SELENOI: variants seen among roughly 807,000 people sequenced by gnomAD.
The protein encoded by SELENOI is ethanolaminephosphotransferase 1.
SELENOI carries 24 observed loss-of-function variants against 50.7 expected under a neutral mutation model. The ratio of observed to expected loss-of-function variants is 0.47; its 90% CI spans 0.34 to 0.67. The LOEUF (loss-of-function observed/expected upper bound fraction) is 0.67. SELENOI is among the 30% of genes least tolerant of loss of function. The pLI is 0.01. For missense variants in SELENOI, 352 were observed against 461.4 expected, an observed-to-expected ratio of 0.76 and a Z score of 2.17; for synonymous variants, 155 against 170.2, an observed-to-expected ratio of 0.91 and a Z score of 0.70.
At chr2:26,388,324 T>A (rs1677891674) in intron 9 of SELENOI, among the ~76,000 whole-genome samples, 1 of 152,220 alleles carries the variant, frequency 6.6e-6, no homozygotes, top group African/African-American at 2.4e-5. Flanking sequence ...TTTCTTTAAA[T>A]GATAAAGGTA....
intron 7 of SELENOI, among the ~76,000 whole-genome samples, chr2:26,383,748 C>G (rs1282912399): frequency 6.6e-6 from 1 of 152,120 alleles, no homozygotes; most frequent in Non-Finnish European, 1.5e-5. Context: ...GTGGCACATG[C>G]CTGTAATGCT....
intron 1 of SELENOI, among the ~76,000 whole-genome samples, chr2:26,355,507 C>T (rs1017626454): frequency 1.3e-5 from 2 of 152,204 alleles, no homozygotes; most frequent in Admixed American, 1.3e-4. Context: ...AATGACGCCT[C>T]CTTTTGCCAT....
intron 6 of SELENOI, among the ~76,000 whole-genome samples, chr2:26,378,409 G>A (rs1251743642): frequency 6.6e-6 from 1 of 152,102 alleles, no homozygotes; most frequent in South Asian, 2.1e-4. Context: ...TATGTTCTGT[G>A]GGGTCTCCGA....
chr2:26,375,224 C>G lies in SELENOI; in HGVS notation c.682+76C>G, dbSNP rs1010611736. On this transcript the variant is annotated intron_variant, in intron 6 of 9. Coordinates refer to ENST00000260585, the MANE Select transcript of SELENOI (RefSeq NM_033505.4). ...AGAGCCGGTATTTGACTATAACAAG[C>G]AACAACACCCTTTGCCTCACAAAAC... 4 of 878,720 alleles carry G rather than the reference C, an allele frequency of 4.6e-6. No individual in the cohort carries two copies. In the African/African-American group the frequency reaches 5.2e-5, roughly 11 times the overall value. 54.4% of individuals were successfully genotyped at this position (878,720 alleles called of 1,614,324 possible).
At chr2:26,352,188 T>G (rs1265657620) in intron 1 of SELENOI, among the ~76,000 whole-genome samples, 1 of 152,120 alleles carries the variant, frequency 6.6e-6, no homozygotes, top group African/African-American at 2.4e-5. Flanking sequence ...AGGCACATTA[T>G]AGTGCTATAG....
chr2:26,384,977 C>CAAGTAATTTT lies in SELENOI; in HGVS notation c.750_751insAAGTAATTTT (p.Leu251LysfsTer2). ...TTTCCAGAAGCTATAAAAATAACAC[C>CAAGTAATTTT]TTGAAACTCAATTCAGTCTATGAAG... On this transcript the variant is annotated stop_gained and frameshift_variant, in exon 8 of 10. Transcript: ENST00000260585. LOFTEE classifies it high-confidence loss of function. 6.2e-7 allele frequency: 1 copy of CAAGTAATTTT among 1,603,836 alleles called. No homozygotes were observed. Among genetic ancestry groups the CAAGTAATTTT allele is most frequent in the Non-Finnish European group, 8.5e-7 (1 of 1,176,942 alleles).
Position 26,373,527 on chromosome 2 carries a change from T to C in SELENOI, c.471T>C (p.Tyr157=). 6.2e-7 allele frequency: 1 copy of C among 1,613,990 alleles called. No individual in the cohort carries two copies. Among genetic ancestry groups the C allele is most frequent in the Non-Finnish European group, 8.5e-7 (1 of 1,179,894 alleles). ...GSTGVSVFVL[Y]LLLWVVLFSF... is the part of the protein sequence containing the mutation. ...CTGGTGTCAGTGTTTTTGTTCTTTA[T>C]CTCCTGCTATGGGTAGTTTTGTTTT... The change falls in exon 5 of 10, where the codon TAT becomes TAC. Residue 157 remains tyrosine, a synonymous_variant. Transcript: ENST00000260585.
At position 26,364,287 on chromosome 2, in the gene SELENOI, T is replaced by C; in HGVS notation, c.58-15T>C. On this transcript the variant is annotated splice_polypyrimidine_tract_variant and intron_variant, in intron 1 of 9. Coordinates refer to ENST00000260585, the MANE Select transcript of SELENOI (RefSeq NM_033505.4). ...CAAGGATTTACTCTGAATATTTTCT[T>C]TCATTTCTTAACAGTACAGTGCTGT... 1 of 1,528,712 alleles carries C rather than the reference T, an allele frequency of 6.5e-7. No individual in the cohort carries two copies. The highest frequency in any genetic ancestry group is 8.9e-7 in the Non-Finnish European group (1 of 1,125,984). The allele number at this position is 1,528,712 out of a possible 1,614,324, so 94.7% of individuals were successfully genotyped here.
intron 8 of SELENOI, 82 bp from the exon 9 acceptor site, chr2:26,386,271 AT>A: frequency 7.5e-7 from 1 of 1,327,540 alleles, no homozygotes; most frequent in Non-Finnish European, 1.0e-6. Flanking sequence ...TGCTTTTCAA[AT>A]GTTGGAAAGA....
intron 1 of SELENOI, among the ~76,000 whole-genome samples, chr2:26,362,489 G>A (rs1205509050): frequency 2.0e-5 from 3 of 152,144 alleles, no homozygotes; most frequent in Admixed American, 6.5e-5. Context: ...GGCCAGGTCT[G>A]GTGGCTCACG....
chr2:26,371,887 G>A (rs996349162), intron 4 of SELENOI, among the ~76,000 whole-genome samples: 1 of 149,522 alleles, frequency 6.7e-6, no homozygotes, highest in African/African-American at 2.4e-5. Context: ...AGACCATGGG[G>A]AGAGGGAGAG....
intron 1 of SELENOI, among the ~76,000 whole-genome samples, chr2:26,359,719 G>C (rs557654678): frequency 5.9e-5 from 9 of 152,284 alleles, no homozygotes; most frequent in African/African-American, 1.7e-4. Flanking sequence ...GGCAGGGGAG[G>C]ATTTTGTTAG....
intron 1 of SELENOI, among the ~76,000 whole-genome samples, chr2:26,350,020 G>T (rs1305816924): frequency 6.6e-6 from 1 of 151,262 alleles, no homozygotes; most frequent in Non-Finnish European, 1.5e-5. Flanking sequence ...GAAGTGGGAG[G>T]ATCAGTTGAG....
intron 9 of SELENOI, among the ~76,000 whole-genome samples, chr2:26,387,908 T>A (rs74695023): frequency 1.3e-5 from 2 of 152,256 alleles, no homozygotes; most frequent in Non-Finnish European, 2.9e-5. Context: ...AAACAAAATA[T>A]CTTCTGTATT....
In SELENOI at chr2:26,346,146, A is replaced by G. The variant is rs1281209126; in HGVS notation, c.-87A>G. 6.2e-7 allele frequency: 1 copy of G among 1,604,842 alleles called. No individual in the cohort carries two copies. On this transcript the variant is annotated 5_prime_UTR_variant, in exon 1 of 10. Coordinates refer to ENST00000260585, the MANE Select transcript of SELENOI (RefSeq NM_033505.4). The stretch of plus-strand genomic sequence containing the variant: ...CTTCTCGGGCAGCCCAGTCTTTGCC[A>G]TCCTTGCCCAGCCGGTGTGGTGCTT...
Position 26,383,325 on chromosome 2 carries a change from A to G in SELENOI, c.709A>G (p.Met237Val), listed in dbSNP as rs547735807. 6.5e-7 allele frequency: 1 copy of G among 1,541,640 alleles called. No individual in the cohort carries two copies. The highest frequency in any genetic ancestry group is 2.3e-5 in the East Asian group (1 of 42,632). ...IGCALCVTLP[M>V]SLLNFFRSYK... ...TTGTGCATTATGTGTGACTCTTCCA[A>G]TGAGTTTATTAAACTTTTTCAGGTA... The change falls in exon 7 of 10, where the codon ATG becomes GTG. Residue 237 changes from methionine to valine, a missense_variant. Transcript: ENST00000260585.
intron 6 of SELENOI, 109 bp from the exon 7 acceptor site, chr2:26,383,190 C>G: frequency 1.6e-6 from 1 of 642,764 alleles, no homozygotes; most frequent in East Asian, 3.1e-5. Context: ...CACAAGTAAA[C>G]TTGAACCTGA....
At chr2:26,367,030 G>A (rs1352647295) in intron 3 of SELENOI, 116 bp from the exon 4 acceptor site, 1 of 875,108 alleles carries the variant, frequency 1.1e-6, no homozygotes, top group South Asian at 2.1e-5. Flanking sequence ...AAAATATATT[G>A]TAAAGTACTT....
At position 26,346,210 on chromosome 2, in the gene SELENOI, G is replaced by A. The variant is rs1349170323; in HGVS notation, c.-23G>A. On this transcript the variant is annotated 5_prime_UTR_variant, in exon 1 of 10. Coordinates refer to ENST00000260585, the MANE Select transcript of SELENOI (RefSeq NM_033505.4). ...TTGTAGCCGGGAGTCGCTGCCGAGT[G>A]GGCGCTCAGTTTTCGGGTCGTCATG... 2 of 1,613,604 alleles carry A rather than the reference G, an allele frequency of 1.2e-6. No homozygotes were observed. The highest frequency in any genetic ancestry group is 8.5e-7 in the Non-Finnish European group (1 of 1,179,664).
Sources: gnomAD v4.1 joint callset for allele counts (sites outside exome capture counted in the v4.1 genomes callset) on GRCh38, gnomAD v4.1.1 for gene constraint, MANE v1.5 for transcripts, NCBI Gene and HGNC (gene_info 2026-07-23, HGNC 2026-07-21) for gene names.